Variants in ZNF726 observed in about 807,000 individuals in gnomAD.
ZNF726 encodes zinc finger protein 726.
In ZNF726, 15 loss-of-function variants were observed where a neutral mutation model predicts 11.6. The observed-to-expected ratio is 1.29, with a 90% CI of 0.86 to 1.99. ZNF726 has a LOEUF of 1.99. Among genes scored for constraint, ZNF726 ranks in the 30% most tolerant of loss-of-function variants. The pLI is 0.00. For synonymous variants in ZNF726, 295 were observed against 243.6 expected, an observed-to-expected ratio of 1.21 and a Z score of -1.96; for missense variants, 890 against 725.6, an observed-to-expected ratio of 1.23 and a Z score of -2.60.
At chr19:23,921,915 T>C (rs922910318) in intron 3 of ZNF726, among the ~76,000 whole-genome samples, 5 of 152,232 alleles carry the variant, frequency 3.3e-5, no homozygotes, top group African/African-American at 1.2e-4. Context: ...AATAGAAGCA[T>C]TGACAATAAG....
Position 23,933,890 on chromosome 19 carries a change from C to T in ZNF726, c.1774C>T (p.Pro592Ser), listed in dbSNP as rs746984654. The T allele has an allele frequency of 6.3e-7, 1 of 1,590,238 alleles. No individual in the cohort carries two copies. The highest frequency in any genetic ancestry group is 2.3e-5 in the East Asian group (1 of 43,666). Reference protein sequence around the residue: ...THKIIHTGEKPYKCDECGKSF... With the variant: ...THKIIHTGEKSYKCDECGKSF... ...TAAGATAATTCATACTGGAGAGAAACCTTACAAGTGTGACGAATGTGGCAA... is the reference window on the plus strand; with the variant it reads ...TAAGATAATTCATACTGGAGAGAAATCTTACAAGTGTGACGAATGTGGCAA... The change falls in exon 4 of 4, where the codon CCT (proline) becomes TCT (serine). Residue 592 changes from proline (P) to serine (S), a missense_variant. Pro to Ser is a moderately conservative substitution (Grantham distance 74, BLOSUM62 -1). Transcript: ENST00000594466.
chr19:23,936,767 T>C (rs1968239961), downstream of ZNF726, among the ~76,000 whole-genome samples: 1 of 151,758 alleles, frequency 6.6e-6, no homozygotes, highest in African/African-American at 2.4e-5. Flanking sequence ...TTTTATTTAT[T>C]TATTTTTTAA....
At chr19:23,919,542 CTTTTA>C (rs1362264100) in intron 2 of ZNF726, 43 bp downstream of exon 2, 1 of 1,528,514 alleles carries the variant, frequency 6.5e-7, no homozygotes, top group Non-Finnish European at 8.8e-7. Context: ...TAAACTAAAG[CTTTTA>C]TTTTTCTTTT....
intron 1 of ZNF726, among the ~76,000 whole-genome samples, chr19:23,918,809 GA>G (rs141339214): frequency 0.25 from 35,444 of 142,452 alleles, 4,330 homozygotes; most frequent in African/African-American, 0.27. Flanking sequence ...CAGAAAAACT[GA>G]AAAAAAAAAC....
downstream of ZNF726, among the ~76,000 whole-genome samples, chr19:23,937,707 G>T (rs1302529708): frequency 6.6e-6 from 1 of 152,118 alleles, no homozygotes; most frequent in Non-Finnish European, 1.5e-5. Flanking sequence ...ACGATGGGCG[G>T]CCAGGTAGAG....
At chr19:23,929,036 G>A (rs1968048320) in intron 3 of ZNF726, 1 of 151,882 alleles carries the variant, frequency 6.6e-6, no homozygotes, top group Admixed American at 6.6e-5. Context: ...GAGATCCAGT[G>A]ATCAGCCCAT....
chr19:23,933,507 G>T lies in ZNF726; in HGVS notation c.1391G>T (p.Arg464Leu). The stretch of plus-strand genomic sequence containing the variant: ...GAAGAATGTAGTAAAGCATTTAGCC[G>T]ATCCTCAGCCCTAACTACACATAAG... Reference protein sequence around the residue: ...KCEECSKAFSRSSALTTHKRM... With the variant: ...KCEECSKAFSLSSALTTHKRM... Residue 464 changes from arginine to leucine, a missense_variant, in exon 4 of 4, where the codon CGA becomes CTA. Arg to Leu is a moderately radical substitution (Grantham distance 102, BLOSUM62 -2). Coordinates refer to ENST00000594466, the MANE Select transcript of ZNF726 (RefSeq NM_001244038.2). 2 of 1,610,458 alleles carry T rather than the reference G, an allele frequency of 1.2e-6. No individual in the cohort carries two copies. Among genetic ancestry groups the T allele is most frequent in the Non-Finnish European group, 1.7e-6 (2 of 1,179,232 alleles).
Position 23,914,941 on chromosome 19 carries a change from C to G in ZNF726, c.-54C>G, listed in dbSNP as rs1967658369. 3.1e-6 allele frequency: 5 copies of G among 1,612,398 alleles called. No homozygotes were observed. Among genetic ancestry groups the G allele is most frequent in the Admixed American group, 1.7e-5 (1 of 59,926 alleles). ...CGTCCTCACTACTCTGTGTCTTCTGCTTTTAGGGGCGCAGCCTCTGTGGCC... is the reference window on the plus strand; with the variant it reads ...CGTCCTCACTACTCTGTGTCTTCTGGTTTTAGGGGCGCAGCCTCTGTGGCC... On this transcript the variant is annotated 5_prime_UTR_variant, in exon 1 of 4. Transcript: ENST00000594466.
chr19:23,928,239 A>T (rs987698695), intron 3 of ZNF726: 1 of 152,312 alleles, frequency 6.6e-6, no homozygotes, highest in African/African-American at 2.4e-5. Flanking sequence ...ACAGTCTGCT[A>T]AATTGTGAGC....
chr19:23,919,794 T>C, intron 2 of ZNF726, 193 bp from the exon 3 acceptor site: 1 of 452,244 alleles, frequency 2.2e-6, no homozygotes, highest in Non-Finnish European at 3.6e-6. Context: ...TTTGCTTCAG[T>C]AGTACCAGGC....
At chr19:23,944,277 T>A (rs1193790387) in intron 4 of ZNF726, 1 of 152,186 alleles carries the variant, frequency 6.6e-6, no homozygotes, top group African/African-American at 2.4e-5. Context: ...AAGCTTTTCT[T>A]GTATATATGG....
intron 3 of ZNF726, chr19:23,920,818 T>A (rs1967828946): frequency 6.6e-6 from 1 of 152,272 alleles, no homozygotes; most frequent in Admixed American, 6.6e-5. Flanking sequence ...TTTCTTTTTT[T>A]TTTTTGTTTA....
intron 3 of ZNF726, among the ~76,000 whole-genome samples, chr19:23,942,015 GT>G (rs1427695592): frequency 6.6e-6 from 1 of 151,884 alleles, no homozygotes; most frequent in Non-Finnish European, 1.5e-5. Context: ...CTGGGTTTGG[GT>G]TTGGTTTGTT....
intron 1 of ZNF726, 54 bp downstream of exon 1, chr19:23,915,051 G>C: frequency 2.5e-6 from 4 of 1,613,302 alleles, no homozygotes; most frequent in Non-Finnish European, 3.4e-6. Flanking sequence ...GGCTGGAACC[G>C]GTGGGAAGCG....
chr19:23,925,234 T>C (rs911475142), intron 3 of ZNF726, among the ~76,000 whole-genome samples: 1 of 152,232 alleles, frequency 6.6e-6, no homozygotes, highest in Non-Finnish European at 1.5e-5. Flanking sequence ...TCCTATGTTA[T>C]GTATTTTAGA....
downstream of ZNF726, among the ~76,000 whole-genome samples, chr19:23,936,986 C>A (rs559549132): frequency 8.6e-5 from 13 of 151,926 alleles, no homozygotes; most frequent in Admixed American, 7.2e-4. Context: ...ACCTCCCAGA[C>A]GGGGTGGTGG....
chr19:23,932,551 T>A lies in ZNF726; in HGVS notation c.435T>A (p.Ser145=), dbSNP rs1968131082. The stretch of plus-strand genomic sequence containing the variant: ...TCACAACTACCCAGGGCAAAGCTTC[T>A]CAATGTGGTAAATATTTGAAAGTCT... ...QCFTTTQGKA[S]QCGKYLKVFY... is the part of the protein sequence containing the mutation. The change falls in exon 4 of 4, where the codon TCT becomes TCA. Residue 145 remains serine (S), a synonymous_variant. Coordinates refer to ENST00000594466, the MANE Select transcript of ZNF726 (RefSeq NM_001244038.2). The A allele has an allele frequency of 6.3e-7, 1 of 1,589,280 alleles. No individual in the cohort carries two copies. Among genetic ancestry groups the A allele is most frequent in the African/African-American group, 1.4e-5 (1 of 73,604 alleles).
rs552638839 is a variant in ZNF726, at chr19:23,920,185, C to T, written c.226+103C>T. On this transcript the variant is annotated intron_variant, in intron 3 of 3. Transcript: ENST00000594466. ...TGGAAAGCTGCATTCCAAAGGAAAC[C>T]GTTTCTGGAAAGCCTGAAATTTAAA... 7.3e-5 allele frequency: 57 copies of T among 779,828 alleles called. No individual in the cohort carries two copies. In the East Asian group the frequency reaches 1.1e-3, roughly 15 times the overall value. The allele number at this position is 779,828 out of a possible 1,614,324, so 48.3% of individuals were successfully genotyped here. A position where few individuals can be genotyped will look rare whatever the true frequency, so the allele number is the denominator to read the frequency against.
chr19:23,930,451 T>C (rs1968079778), intron 3 of ZNF726, among the ~76,000 whole-genome samples: 1 of 152,152 alleles, frequency 6.6e-6, no homozygotes, highest in Non-Finnish European at 1.5e-5. Context: ...TGTGTTTTGA[T>C]TTTTTAGTAT....
Sources: allele counts gnomAD v4.1 joint callset (sites outside exome capture counted in the v4.1 genomes callset), GRCh38; gene constraint gnomAD v4.1.1; transcripts MANE v1.5; gene names NCBI Gene and HGNC (gene_info 2026-07-23, HGNC 2026-07-21).